VGLL3: variants seen among roughly 807,000 people sequenced by gnomAD.
VGLL3 encodes the protein transcription cofactor vestigial-like protein 3.
A neutral mutation model predicts 29.2 loss-of-function variants in VGLL3; 18 were observed. That is an observed-to-expected ratio of 0.62 (90% CI 0.43 to 0.91). The LOEUF is 0.91. VGLL3 is among the 40% of genes least tolerant of loss of function. VGLL3 has a pLI of 0.00. For missense variants in VGLL3, 440 were observed against 413.2 expected (o/e 1.06, Z -0.56); for synonymous variants, 180 against 151.8 (o/e 1.19, Z -1.36).
In VGLL3 at chr3:86,991,041, C is replaced by A. The variant is rs937823922; in HGVS notation, c.-298G>T. The A allele has an allele frequency of 5.2e-5, 35 of 678,516 alleles. No homozygotes were observed. The highest frequency in any genetic ancestry group is 5.7e-5 in the Non-Finnish European group (31 of 545,832). 42.0% of individuals were successfully genotyped at this position (678,516 alleles called of 1,614,324 possible). On this transcript the variant is annotated 5_prime_UTR_variant, in exon 1 of 4. Transcript: ENST00000398399. ...GCCCGCTGCGCCGCTGGGGCATTACCGCGTCCGGCTCCCGCGAGGGCTGCG... is the reference window on the plus strand; with the variant it reads ...GCCCGCTGCGCCGCTGGGGCATTACAGCGTCCGGCTCCCGCGAGGGCTGCG...
intron 3 of VGLL3, among the ~76,000 whole-genome samples, chr3:86,949,851 A>G (rs1431569125): frequency 6.6e-6 from 1 of 151,848 alleles, no homozygotes; most frequent in Admixed American, 6.6e-5. Flanking sequence ...AAGAAAAGAA[A>G]AGAAAAGAAA....
rs1021063410 is a variant in VGLL3 at position 86,941,163 on chromosome 3, C to T, written c.*5861G>A. The T allele has an allele frequency of 2.0e-4, 31 of 151,764 alleles. No homozygotes were observed. Among genetic ancestry groups the T allele is most frequent in the South Asian group, 1.0e-3 (5 of 4,800 alleles). The allele number at this position is 151,764 out of a possible 1,614,324, so 9.4% of individuals were successfully genotyped here. On this transcript the variant is annotated 3_prime_UTR_variant, in exon 4 of 4. Transcript: ENST00000398399. Reference sequence around the variant, plus strand: ...TGATACAAAGAATTCACATGAAAACCTTTCCCTATGTTTTATCTCCTGAAA... The same window carrying T: ...TGATACAAAGAATTCACATGAAAACTTTTCCCTATGTTTTATCTCCTGAAA...
chr3:86,983,643 C>T (rs1279402394), intron 1 of VGLL3, among the ~76,000 whole-genome samples: 1 of 152,132 alleles, frequency 6.6e-6, no homozygotes, highest in Non-Finnish European at 1.5e-5. Flanking sequence ...GCCTCAGCCT[C>T]CCAGAAGTGT....
rs1704313908 is a variant in VGLL3 at position 86,938,080 on chromosome 3, GTA to G, written c.*8942_*8943del. The G allele has an allele frequency of 6.6e-6, 1 of 152,162 alleles. No homozygotes were observed. The highest frequency in any genetic ancestry group is 1.5e-5 in the Non-Finnish European group (1 of 68,030). 9.4% of individuals were successfully genotyped at this position (152,162 alleles called of 1,614,324 possible). A position where few individuals can be genotyped will look rare whatever the true frequency, so the allele number is the denominator to read the frequency against. On this transcript the variant is annotated 3_prime_UTR_variant, in exon 4 of 4. Transcript: ENST00000398399. ...CTTGATTAGTCCTGAAGTTATCAAAGTATGATTTTTCTTTATTTCTGTTGACT... is the reference window on the plus strand; with the variant it reads ...CTTGATTAGTCCTGAAGTTATCAAAGTGATTTTTCTTTATTTCTGTTGACT...
At chr3:86,969,298 C>T (rs1188413892) in intron 2 of VGLL3, among the ~76,000 whole-genome samples, 175 bp from the exon 3 acceptor site, 1 of 152,194 alleles carries the variant, frequency 6.6e-6, no homozygotes, top group African/African-American at 2.4e-5. Context: ...TCTGGGCTCG[C>T]AAGCCAATGG....
At chr3:86,957,837 T>C (rs941630301) in intron 3 of VGLL3, among the ~76,000 whole-genome samples, 1 of 152,148 alleles carries the variant, frequency 6.6e-6, no homozygotes, top group African/African-American at 2.4e-5. Context: ...TTTCAATGCA[T>C]ACATACAAAT....
intron 1 of VGLL3, among the ~76,000 whole-genome samples, chr3:86,986,997 A>C (rs981212690): frequency 6.6e-6 from 1 of 152,178 alleles, no homozygotes; most frequent in Non-Finnish European, 1.5e-5. Context: ...TTGGGGACCT[A>C]AAGACAAAAA....
chr3:86,965,517 G>C (rs951494034), intron 3 of VGLL3, among the ~76,000 whole-genome samples: 2 of 152,160 alleles, frequency 1.3e-5, no homozygotes, highest in Non-Finnish European at 2.9e-5. Context: ...AAAGGAGTTG[G>C]AAAAGTGGTA....
Position 86,942,308 on chromosome 3 carries a change from C to G in VGLL3, c.*4716G>C, listed in dbSNP as rs967307783. ...TCAGGAATCCAAACTGCCATCAATA[C>G]CCCTTTGTAACTGCAATGGCTCAAG... is the stretch of plus-strand genomic sequence containing the variant. On this transcript the variant is annotated 3_prime_UTR_variant, in exon 4 of 4. Coordinates refer to ENST00000398399, the MANE Select transcript of VGLL3 (RefSeq NM_016206.4). 4.6e-5 allele frequency: 7 copies of G among 152,146 alleles called. No homozygotes were observed. The highest frequency in any genetic ancestry group is 3.2e-3 in the Middle Eastern group (1 of 316). 9.4% of individuals were successfully genotyped at this position (152,146 alleles called of 1,614,324 possible). A position where few individuals can be genotyped will look rare whatever the true frequency, so the allele number is the denominator to read the frequency against.
At chr3:86,967,356 A>T (rs1704985821) in intron 3 of VGLL3, among the ~76,000 whole-genome samples, 1 of 152,184 alleles carries the variant, frequency 6.6e-6, no homozygotes, top group Non-Finnish European at 1.5e-5. Context: ...CTGTGCCATC[A>T]CACACGCATC....
chr3:86,976,123 A>G (rs1705205271), intron 2 of VGLL3, among the ~76,000 whole-genome samples: 1 of 152,088 alleles, frequency 6.6e-6, no homozygotes, highest in Non-Finnish European at 1.5e-5. Flanking sequence ...TCAAAAAAAA[A>G]AAGTTCTAAA....
At chr3:86,962,221 A>G in intron 3 of VGLL3, 2 of 985,450 alleles carry the variant, frequency 2.0e-6, no homozygotes, top group South Asian at 9.4e-5. Context: ...CATACTGATC[A>G]TTTCAAGGTA....
At chr3:86,989,503 CAA>C (rs1180058779) in intron 1 of VGLL3, among the ~76,000 whole-genome samples, 1 of 151,948 alleles carries the variant, frequency 6.6e-6, no homozygotes, top group Admixed American at 6.6e-5. Context: ...GTAATTCTAG[CAA>C]AGAGACAGAA....
At chr3:86,958,350 C>T (rs1307315637) in intron 3 of VGLL3, among the ~76,000 whole-genome samples, 1 of 152,136 alleles carries the variant, frequency 6.6e-6, no homozygotes, top group African/African-American at 2.4e-5. Context: ...TAATTTTCTA[C>T]CAGCAATATA....
intron 1 of VGLL3, among the ~76,000 whole-genome samples, chr3:86,981,076 CTTAA>C (rs1705316230): frequency 6.6e-6 from 1 of 151,968 alleles, no homozygotes; most frequent in Non-Finnish European, 1.5e-5. Flanking sequence ...TTATTTTATC[CTTAA>C]TTGACAGCAA....
At chr3:86,957,798 CT>C (rs1704752888) in intron 3 of VGLL3, among the ~76,000 whole-genome samples, 2 of 152,118 alleles carry the variant, frequency 1.3e-5, no homozygotes, top group South Asian at 2.1e-4. Context: ...TATCTCTTTT[CT>C]TTTTTTCCCT....
At chr3:86,958,601 T>C (rs145279626) in intron 3 of VGLL3, among the ~76,000 whole-genome samples, 22 of 152,334 alleles carry the variant, frequency 1.4e-4, no homozygotes, top group Non-Finnish European at 3.2e-4. Flanking sequence ...GATAGCTACA[T>C]GGATCTCAGA....
chr3:86,939,358 G>A lies in VGLL3; in HGVS notation c.*7666C>T, dbSNP rs1333928764. On this transcript the variant is annotated 3_prime_UTR_variant, in exon 4 of 4. Transcript: ENST00000398399. Reference sequence around the variant, plus strand: ...TTAAGAACCTTGAGCATGGCGCAATGGCTTATGCCTGTAATCCCAACACTT... The same window carrying A: ...TTAAGAACCTTGAGCATGGCGCAATAGCTTATGCCTGTAATCCCAACACTT... 1 of 152,258 alleles carries A rather than the reference G, an allele frequency of 6.6e-6. No individual in the cohort carries two copies. The highest frequency in any genetic ancestry group is 1.5e-5 in the Non-Finnish European group (1 of 68,088). 9.4% of individuals were successfully genotyped at this position (152,258 alleles called of 1,614,324 possible).
rs1213269852 is a variant in VGLL3, at chr3:86,942,228, A to G, written c.*4796T>C. 2 of 152,070 alleles carry G rather than the reference A, an allele frequency of 1.3e-5. No homozygotes were observed. Among genetic ancestry groups the G allele is most frequent in the African/African-American group, 2.4e-5 (1 of 41,422 alleles). The allele number at this position is 152,070 out of a possible 1,614,324, so 9.4% of individuals were successfully genotyped here. The stretch of plus-strand genomic sequence containing the variant: ...TCCATTAAACTGGCAGGCTGATTTC[A>G]TTTCTGATCCCATACAGTTTCTGCT... On this transcript the variant is annotated 3_prime_UTR_variant, in exon 4 of 4. Transcript: ENST00000398399.
Sources: gnomAD v4.1 joint callset for allele counts (sites outside exome capture counted in the v4.1 genomes callset) on GRCh38, gnomAD v4.1.1 for gene constraint, MANE v1.5 for transcripts, NCBI Gene and HGNC (gene_info 2026-07-23, HGNC 2026-07-21) for gene names.